TCF7L1: variants seen among roughly 807,000 people sequenced by gnomAD.
The protein encoded by TCF7L1 is transcription factor 7 like 1.
In TCF7L1, 18 loss-of-function variants were observed where a neutral mutation model predicts 63.7. The observed-to-expected ratio is 0.28, with a 90% confidence interval of 0.20 to 0.42. The LOEUF is 0.42. TCF7L1 is among the 10% of genes least tolerant of loss of function. The pLI, the probability that TCF7L1 is intolerant of heterozygous loss-of-function variation, is 1.00. For missense variants in TCF7L1, 654 were observed against 779.3 expected (o/e 0.84, Z 1.91); for synonymous variants, 355 against 340.9 (o/e 1.04, Z -0.46).
chr2:85,205,095 TAG>T, intron 3 of TCF7L1: 1 of 152,252 alleles, frequency 6.6e-6, no homozygotes, highest in Middle Eastern at 3.4e-3. Flanking sequence ...TTAGGAGAAT[TAG>T]GAGGATTAGT....
intron 3 of TCF7L1, among the ~76,000 whole-genome samples, chr2:85,242,561 G>T (rs150628287): frequency 1.1e-3 from 162 of 152,366 alleles, no homozygotes; most frequent in African/African-American, 3.7e-3. Flanking sequence ...GGGAGAGTCA[G>T]TGAGGTCCAT....
intron 3 of TCF7L1, among the ~76,000 whole-genome samples, chr2:85,219,706 C>T (rs1679801535): frequency 6.6e-6 from 1 of 151,802 alleles, no homozygotes; most frequent in African/African-American, 2.4e-5. Context: ...ATAGTGAGAC[C>T]TCATCTCTTT....
chr2:85,271,968 A>G (rs556650425), intron 3 of TCF7L1, among the ~76,000 whole-genome samples: 1 of 152,212 alleles, frequency 6.6e-6, no homozygotes, highest in South Asian at 2.1e-4. Context: ...CAACTACCCT[A>G]TTCTTGGACA....
At chr2:85,215,813 T>A (rs973857333) in intron 3 of TCF7L1, among the ~76,000 whole-genome samples, 3 of 151,704 alleles carry the variant, frequency 2.0e-5, no homozygotes, top group Admixed American at 1.3e-4. Context: ...AGGACACGGC[T>A]GTCTTTGTTT....
chr2:85,188,006 G>T (rs1678963081), intron 3 of TCF7L1, among the ~76,000 whole-genome samples: 1 of 152,142 alleles, frequency 6.6e-6, no homozygotes, highest in Admixed American at 6.5e-5. Context: ...TCAAGGAAAT[G>T]ATGCTGAACG....
chr2:85,295,792 T>TTTA, intron 4 of TCF7L1, among the ~76,000 whole-genome samples: 1 of 146,374 alleles, frequency 6.8e-6, no homozygotes, highest in Non-Finnish European at 1.5e-5. Flanking sequence ...TTTTTTTTTT[T>TTTA]TTTTTGAGAC....
chr2:85,220,359 A>T (rs371046332), intron 3 of TCF7L1, among the ~76,000 whole-genome samples: 280 of 151,170 alleles, frequency 1.9e-3, no homozygotes, highest in African/African-American at 5.9e-3. Context: ...TACTTAAAAA[A>T]AAATATATAT....
At position 85,134,384 on chromosome 2, in the gene TCF7L1, G is replaced by A. The variant is rs750625553; in HGVS notation, c.375G>A (p.Leu125=). The A allele has an allele frequency of 1.9e-6, 3 of 1,574,412 alleles. No homozygotes were observed. The highest frequency in any genetic ancestry group is 1.8e-5 in the Admixed American group (1 of 54,938). ...CCCCGTACCCTGGGTACCCCTTCCT[G>A]ATGATCCCGGACCTGAGCAGCCCGT... ...KGPPYPGYPF[L]MIPDLSSPYL... Residue 125 remains leucine, a synonymous_variant, in exon 3 of 12, where the codon CTG becomes CTA. Coordinates refer to ENST00000282111, the MANE Select transcript of TCF7L1 (RefSeq NM_031283.3). The surrounding 1 kb of genome is among the most constrained non-coding windows in gnomAD (Gnocchi z 5.0).
intron 3 of TCF7L1, among the ~76,000 whole-genome samples, chr2:85,235,190 G>T (rs1409845486): frequency 6.6e-6 from 1 of 152,190 alleles, no homozygotes; most frequent in Non-Finnish European, 1.5e-5. Flanking sequence ...GGTACCTCTT[G>T]GGTGGAGAAA....
At chr2:85,303,752 T>C (rs1251543754) in intron 5 of TCF7L1, 143 bp from the exon 6 acceptor site, 21 of 601,656 alleles carry the variant, frequency 3.5e-5, no homozygotes, top group South Asian at 1.9e-4. Flanking sequence ...GCTAGGGAGT[T>C]GACAGAGGGC....
intron 3 of TCF7L1, among the ~76,000 whole-genome samples, chr2:85,162,190 A>G (rs1279283011): frequency 6.6e-6 from 1 of 152,152 alleles, no homozygotes; most frequent in Non-Finnish European, 1.5e-5. Context: ...AAGTATGATT[A>G]CGCCACTGCA....
intron 3 of TCF7L1, among the ~76,000 whole-genome samples, chr2:85,223,731 C>A (rs1369498436): frequency 1.3e-5 from 2 of 152,208 alleles, no homozygotes; most frequent in Non-Finnish European, 2.9e-5. Flanking sequence ...ATAAGAACAC[C>A]TTTAGTCCCT....
intron 4 of TCF7L1, among the ~76,000 whole-genome samples, chr2:85,299,860 A>G (rs868235274): frequency 1.1e-5 from 1 of 92,706 alleles, no homozygotes; most frequent in Non-Finnish European, 2.0e-5. Context: ...CCTTGTCTCA[A>G]ACACACACAC....
chr2:85,201,957 ATTTATTTAT>A (rs1331699479), intron 3 of TCF7L1, among the ~76,000 whole-genome samples: 7 of 144,584 alleles, frequency 4.8e-5, no homozygotes, highest in Non-Finnish European at 1.1e-4. Flanking sequence ...TTATTTATTT[ATTTATTTAT>A]TTTATTTTAT....
intron 4 of TCF7L1, among the ~76,000 whole-genome samples, chr2:85,300,673 A>G (rs1681950199): frequency 6.6e-6 from 1 of 152,198 alleles, no homozygotes; most frequent in African/African-American, 2.4e-5. Context: ...CACCACATGA[A>G]AGGAAAGAAA....
intron 3 of TCF7L1, among the ~76,000 whole-genome samples, chr2:85,152,140 C>T (rs565585267): frequency 6.6e-6 from 1 of 152,326 alleles, no homozygotes; most frequent in South Asian, 2.1e-4. Context: ...GTCTTGGATG[C>T]TTCTCTGCTT....
Position 85,194,398 on chromosome 2 carries a change from G to A in TCF7L1, c.441+59948G>A, listed in dbSNP as rs142965463. 5.7e-3 allele frequency among the ~76,000 whole-genome samples: 868 copies of A among 152,190 alleles called. 4 individuals are homozygous for A. Among genetic ancestry groups the A allele is most frequent in the African/African-American group, 0.016 (664 of 41,522 alleles). Reference sequence around the variant, plus strand: ...ACAAAAATTAGCCGGGTGTGGTGGCGCACGCCTGTAATCCCAGCTACTTGG... The same window carrying A: ...ACAAAAATTAGCCGGGTGTGGTGGCACACGCCTGTAATCCCAGCTACTTGG... On this transcript the variant is annotated intron_variant, in intron 3 of 11. Transcript: ENST00000282111.
intron 3 of TCF7L1, among the ~76,000 whole-genome samples, chr2:85,282,926 G>GC (rs757603525): frequency 8.5e-5 from 13 of 152,086 alleles, no homozygotes; most frequent in Non-Finnish European, 1.5e-4. Context: ...AGGGTTGAGA[G>GC]ACGCTATAAT....
chr2:85,195,824 G>A (rs1679142752), intron 3 of TCF7L1, among the ~76,000 whole-genome samples: 2 of 152,152 alleles, frequency 1.3e-5, no homozygotes, highest in Admixed American at 1.3e-4. Context: ...TGGGATTACA[G>A]GTGTGAGCCA....
Sources: allele counts gnomAD v4.1 joint callset (sites outside exome capture counted in the v4.1 genomes callset), GRCh38; gene constraint gnomAD v4.1.1; non-coding constraint Gnocchi (gnomAD v3.1); transcripts MANE v1.5; gene names NCBI Gene and HGNC (gene_info 2026-07-23, HGNC 2026-07-21).